Variants in MAOA observed in about 807,000 individuals in gnomAD.
MAOA encodes the protein monoamine oxidase A.
A neutral mutation model predicts 42.0 loss-of-function variants in MAOA; 6 were observed. That is an observed-to-expected ratio of 0.14 (90% CI 0.08 to 0.28). The LOEUF (loss-of-function observed/expected upper bound fraction) is 0.28. MAOA is among the 10% of genes least tolerant of loss of function. The pLI is 1.00. For synonymous variants in MAOA, 140 were observed against 154.0 expected (o/e 0.91, Z 0.67); for missense variants, 262 against 422.3 (o/e 0.62, Z 3.33).
chrX:43,723,592 C>T (rs776567370), intron 5 of MAOA, among the ~76,000 whole-genome samples: 187 of 111,557 alleles, frequency 1.7e-3, no homozygotes, highest in Non-Finnish European at 1.6e-3. Flanking sequence ...TGGGCTGAGA[C>T]GATGGGGCTT....
At chrX:43,728,359 G>A in intron 6 of MAOA, 45 bp downstream of exon 6, 2 of 1,192,128 alleles carry the variant, frequency 1.7e-6, no homozygotes, top group Non-Finnish European at 2.3e-6. Flanking sequence ...CTTCATCTGT[G>A]ATTTTGCTTT....
At chrX:43,731,666 G>A (rs2033882270) in intron 7 of MAOA, 28 bp from the exon 8 acceptor site, 1 of 1,194,950 alleles carries the variant, frequency 8.4e-7, no homozygotes, top group Admixed American at 2.2e-5. Context: ...TCACATTTGA[G>A]GTAATATTTT....
intron 3 of MAOA, among the ~76,000 whole-genome samples, chrX:43,694,988 A>T (rs1288150996): frequency 8.9e-6 from 1 of 112,223 alleles, no homozygotes; most frequent in East Asian, 2.8e-4. Flanking sequence ...TTAAATCCTT[A>T]CATCCACCCT....
intron 12 of MAOA, among the ~76,000 whole-genome samples, chrX:43,742,401 T>C (rs755625944): frequency 8.9e-6 from 1 of 112,289 alleles, no homozygotes; most frequent in African/African-American, 3.2e-5. Context: ...CAGAAGGACA[T>C]TGGATGTGTT....
intron 6 of MAOA, among the ~76,000 whole-genome samples, chrX:43,728,887 C>A (rs918776322): frequency 8.8e-6 from 1 of 113,115 alleles, no homozygotes; most frequent in African/African-American, 3.2e-5. Flanking sequence ...GAATTCATTT[C>A]GTTCATTGGC....
intron 3 of MAOA, among the ~76,000 whole-genome samples, chrX:43,694,113 G>A (rs2033559254): frequency 9.0e-6 from 1 of 111,611 alleles, no homozygotes; most frequent in South Asian, 3.8e-4. Context: ...AGTGGCTGGA[G>A]TCTGGAAACA....
chrX:43,725,786 G>C (rs2033828158), intron 5 of MAOA, among the ~76,000 whole-genome samples: 2 of 111,787 alleles, frequency 1.8e-5, no homozygotes, highest in Non-Finnish European at 3.8e-5. Context: ...TTACAATTTG[G>C]CATGTTTTTG....
intron 1 of MAOA, among the ~76,000 whole-genome samples, chrX:43,666,932 G>A (rs1418596135): frequency 9.8e-6 from 1 of 102,495 alleles, no homozygotes; most frequent in Non-Finnish European, 2.0e-5. Context: ...TCATAGGTGG[G>A]AATTGATCAA....
intron 5 of MAOA, among the ~76,000 whole-genome samples, chrX:43,716,145 T>A (rs1254535827): frequency 9.0e-6 from 1 of 111,152 alleles, no homozygotes; most frequent in Non-Finnish European, 1.9e-5. Context: ...TTTCTAAGAA[T>A]GGTCTTCAGA....
At chrX:43,713,017 T>A (rs756123001) in intron 5 of MAOA, among the ~76,000 whole-genome samples, 1 of 112,599 alleles carries the variant, frequency 8.9e-6, no homozygotes, top group African/African-American at 3.2e-5. Context: ...GAACTTCTTT[T>A]AATGAAAGCA....
intron 3 of MAOA, among the ~76,000 whole-genome samples, chrX:43,696,643 G>A (rs1423132507): frequency 9.1e-6 from 1 of 109,378 alleles, no homozygotes; most frequent in African/African-American, 3.3e-5. Context: ...GGCTGAGGCA[G>A]GACAATGGCG....
At chrX:43,657,532 T>C (rs2033194274) in intron 1 of MAOA, among the ~76,000 whole-genome samples, 1 of 110,434 alleles carries the variant, frequency 9.1e-6, no homozygotes, top group African/African-American at 3.3e-5. Context: ...GGCTTTCCAA[T>C]ATCTTCCTGG....
intron 4 of MAOA, among the ~76,000 whole-genome samples, chrX:43,712,436 T>C (rs1449992664): frequency 8.9e-6 from 1 of 111,948 alleles, no homozygotes; most frequent in African/African-American, 3.2e-5. Flanking sequence ...ACAATGATGA[T>C]GATAATTGTC....
intron 5 of MAOA, among the ~76,000 whole-genome samples, chrX:43,725,257 T>C (rs1209333785): frequency 3.6e-5 from 4 of 111,353 alleles, no homozygotes; most frequent in Non-Finnish European, 7.6e-5. Flanking sequence ...GATCTAATGC[T>C]GACAGTGGGG....
At chrX:43,715,322 G>T (rs1368562651) in intron 5 of MAOA, among the ~76,000 whole-genome samples, 2 of 110,379 alleles carry the variant, frequency 1.8e-5, no homozygotes, top group African/African-American at 6.6e-5. Flanking sequence ...GACCCAGAGG[G>T]GTAGCGCAGA....
chrX:43,659,953 C>A (rs999120311), intron 1 of MAOA, among the ~76,000 whole-genome samples: 1 of 111,012 alleles, frequency 9.0e-6, no homozygotes, highest in Non-Finnish European at 1.9e-5. Flanking sequence ...GTAAGGGATA[C>A]GACTGCAATT....
At chrX:43,696,500 C>T (rs1453151966) in intron 3 of MAOA, among the ~76,000 whole-genome samples, 2 of 111,516 alleles carry the variant, frequency 1.8e-5, no homozygotes, top group African/African-American at 3.3e-5. Flanking sequence ...GAGGCCGAGG[C>T]GGGCAGATCA....
upstream of MAOA, chrX:43,656,270 A>G (rs966601595): frequency 4.0e-6 from 4 of 996,023 alleles, no homozygotes; most frequent in African/African-American, 7.6e-5. Context: ...GGGGGAGTTG[A>G]TAGAAGGGTC....
chrX:43,731,173 G>T, intron 6 of MAOA, 68 bp from the exon 7 acceptor site: 2 of 1,079,429 alleles, frequency 1.9e-6, no homozygotes, highest in Non-Finnish European at 2.6e-6. Context: ...TTTCTAATCA[G>T]TAGCCAGTAG....
Sources: allele counts gnomAD v4.1 joint callset (sites outside exome capture counted in the v4.1 genomes callset), GRCh38; gene constraint gnomAD v4.1.1; transcripts MANE v1.5; gene names NCBI Gene and HGNC (gene_info 2026-07-23, HGNC 2026-07-21).